TOP1: variants seen among roughly 807,000 people sequenced by gnomAD.
TOP1 encodes DNA topoisomerase I, also known as DNA topoisomerase 1.
Under a neutral mutation model 111.1 loss-of-function variants are expected in TOP1, and 10 were observed. The observed-to-expected ratio is 0.09, with a 90% confidence interval of 0.06 to 0.15. The LOEUF (loss-of-function observed/expected upper bound fraction) is 0.15. Among genes scored for constraint, TOP1 ranks in the 10% least tolerant of loss-of-function variants. The pLI is 1.00. For synonymous variants in TOP1, 271 were observed against 302.9 expected (o/e 0.89, Z 1.10); for missense variants, 474 against 926.7 (o/e 0.51, Z 6.34).
At chr20:41,056,532 G>A (rs1015489139) in intron 2 of TOP1, among the ~76,000 whole-genome samples, 10 of 152,190 alleles carry the variant, frequency 6.6e-5, no homozygotes, top group Non-Finnish European at 1.5e-4. Flanking sequence ...TGTAGCCCAA[G>A]TGGAGTGTGG....
Position 41,110,387 on chromosome 20 carries a change from C to A in TOP1, c.1309-2395C>A, listed in dbSNP as rs184793463. Among the ~76,000 whole-genome samples, 20 of 152,210 alleles carry A rather than the reference C, an allele frequency of 1.3e-4. No homozygotes were observed. The East Asian group carries it at 3.5e-3, about 26-fold the overall frequency. ...AAAATTTATCCATGATGATAGTAAT[C>A]AGATTGAAGGATCAGTGGTTGCTTG... On this transcript the variant is annotated intron_variant, in intron 13 of 20. Coordinates refer to ENST00000361337, the MANE Select transcript of TOP1 (RefSeq NM_003286.4). The surrounding 1 kb of genome is among the most constrained non-coding windows in gnomAD (Gnocchi z 4.2).
intron 5 of TOP1, 29 bp downstream of exon 5, chr20:41,077,666 C>T: frequency 6.2e-7 from 1 of 1,608,570 alleles, no homozygotes; most frequent in Non-Finnish European, 8.5e-7. Flanking sequence ...GTGGGCTTCC[C>T]TTTCTCTGGG....
chr20:41,117,806 G>C (rs1478338590), intron 17 of TOP1, among the ~76,000 whole-genome samples: 2 of 152,114 alleles, frequency 1.3e-5, no homozygotes, highest in African/African-American at 2.4e-5. Context: ...ACAAACCATA[G>C]TAATATCAGC....
In TOP1 at chr20:41,118,315, A is replaced by AGGG; in HGVS notation, c.1950+20_1950+22dup. 6.2e-7 allele frequency: 1 copy of AGGG among 1,613,750 alleles called. No homozygotes were observed. Among genetic ancestry groups the AGGG allele is most frequent in the Non-Finnish European group, 8.5e-7 (1 of 1,179,736 alleles). ...AACTAAGGTATCTTGGATAAAATGA[A>AGGG]GGGAACTGTGTCTGCTGTGGGCAGA... On this transcript the variant is annotated intron_variant, in intron 18 of 20. Transcript: ENST00000361337. The surrounding 1 kb of genome is among the most constrained non-coding windows in gnomAD (Gnocchi z 4.6).
chr20:41,103,786 C>T (rs1159826130), intron 13 of TOP1, among the ~76,000 whole-genome samples: 1 of 152,104 alleles, frequency 6.6e-6, no homozygotes, highest in Non-Finnish European at 1.5e-5. Flanking sequence ...TTTATTTTCT[C>T]TATTAGAAAC....
chr20:41,096,903 C>T (rs1422298451), intron 9 of TOP1, among the ~76,000 whole-genome samples: 1 of 152,148 alleles, frequency 6.6e-6, no homozygotes, highest in Non-Finnish European at 1.5e-5. Context: ...TGTAAAGGAC[C>T]CTGCTTGCTG....
Position 41,098,175 on chromosome 20 carries a change from T to C in TOP1, c.853-40T>C. On this transcript the variant is annotated intron_variant, in intron 10 of 20. Coordinates refer to ENST00000361337, the MANE Select transcript of TOP1 (RefSeq NM_003286.4). This position sits in a 1 kb window ranked among gnomAD's most constrained non-coding sequence, Gnocchi z 5.7. ...AACCCAAGGACTTATTAGTGTATTT[T>C]CGTTGTTTTTCTTTCATCTCCCCAT... The C allele has an allele frequency of 6.8e-6, 11 of 1,608,016 alleles. No homozygotes were observed. Among genetic ancestry groups the C allele is most frequent in the Non-Finnish European group, 9.4e-6 (11 of 1,174,632 alleles).
At chr20:41,103,443 T>C (rs1314047043) in intron 13 of TOP1, among the ~76,000 whole-genome samples, 1 of 152,198 alleles carries the variant, frequency 6.6e-6, no homozygotes, top group Non-Finnish European at 1.5e-5. Context: ...TAAAGGACTT[T>C]GAACAGTGGA....
At chr20:41,119,992 A>C (rs902667830) in intron 18 of TOP1, among the ~76,000 whole-genome samples, 1 of 152,228 alleles carries the variant, frequency 6.6e-6, no homozygotes, top group African/African-American at 2.4e-5. Flanking sequence ...TCGCTCTGGA[A>C]CCGGGTTTGG....
At chr20:41,055,236 GCACTGGTTTGCATCTTT>G (rs1322940358) in intron 2 of TOP1, among the ~76,000 whole-genome samples, 1 of 152,208 alleles carries the variant, frequency 6.6e-6, no homozygotes, top group Admixed American at 6.5e-5. Flanking sequence ...GATTTAATGT[GCACTGGTTTGCATCTTT>G]CATATCTGTC....
intron 3 of TOP1, chr20:41,073,395 A>G: frequency 4.2e-6 from 4 of 959,488 alleles, no homozygotes; most frequent in Non-Finnish European, 4.9e-6. Context: ...AAAAGAAAGA[A>G]AGAAAAGAAA....
rs1381846629 is a variant in TOP1, at chr20:41,124,300, A to C, written c.*1003A>C. 4.3e-6 allele frequency: 1 copy of C among 233,112 alleles called. No individual in the cohort carries two copies. Among genetic ancestry groups the C allele is most frequent in the Admixed American group, 5.6e-5 (1 of 17,778 alleles). 14.4% of individuals were successfully genotyped at this position (233,112 alleles called of 1,614,324 possible). ...AATTGTGTAAAAAATGGAAAAAAAC[A>C]TAAAAAGCAGAATTTTAATGTGAAG... On this transcript the variant is annotated 3_prime_UTR_variant, in exon 21 of 21. Transcript: ENST00000361337. This position sits in a 1 kb window ranked among gnomAD's most constrained non-coding sequence, Gnocchi z 5.4.
In TOP1 at chr20:41,114,373, C is replaced by T. The variant is rs2034295169; in HGVS notation, c.1638+218C>T. Among the ~76,000 whole-genome samples the T allele has an allele frequency of 6.6e-6, 1 of 152,214 alleles. No homozygotes were observed. Among genetic ancestry groups the T allele is most frequent in the Non-Finnish European group, 1.5e-5 (1 of 68,028 alleles). On this transcript the variant is annotated intron_variant, in intron 15 of 20. Transcript: ENST00000361337. The surrounding 1 kb of genome is among the most constrained non-coding windows in gnomAD (Gnocchi z 4.5). ...AGGCTGTAGTGTGCTGTGATCACACCTGTGAATAGCCACTGTACTCCAGCC... is the reference window on the plus strand; with the variant it reads ...AGGCTGTAGTGTGCTGTGATCACACTTGTGAATAGCCACTGTACTCCAGCC...
chr20:41,106,093 A>T lies in TOP1; in HGVS notation c.1308+4740A>T, dbSNP rs1454322578. The stretch of plus-strand genomic sequence containing the variant: ...AGAATGTATTTTTGCATTGGGATGA[A>T]GTTGAAACCTAATATATTTTCCAAA... On this transcript the variant is annotated intron_variant, in intron 13 of 20. Transcript: ENST00000361337. The surrounding 1 kb of genome is among the most constrained non-coding windows in gnomAD (Gnocchi z 4.3). Among the ~76,000 whole-genome samples the T allele has an allele frequency of 1.3e-5, 2 of 151,872 alleles. No individual in the cohort carries two copies. Among genetic ancestry groups the T allele is most frequent in the African/African-American group, 2.4e-5 (1 of 41,300 alleles).
chr20:41,103,397 C>G (rs1346789447), intron 13 of TOP1, among the ~76,000 whole-genome samples: 1 of 152,152 alleles, frequency 6.6e-6, no homozygotes, highest in Admixed American at 6.5e-5. Context: ...CTAAATGTGG[C>G]CAGCTTTAAA....
At chr20:41,041,812 T>C (rs1377944017) in intron 2 of TOP1, among the ~76,000 whole-genome samples, 1 of 152,188 alleles carries the variant, frequency 6.6e-6, no homozygotes, top group Non-Finnish European at 1.5e-5. Context: ...CTTTACTATC[T>C]TATTTGGCTA....
intron 3 of TOP1, among the ~76,000 whole-genome samples, chr20:41,073,858 G>C (rs1363649662): frequency 6.6e-6 from 1 of 152,172 alleles, no homozygotes; most frequent in Non-Finnish European, 1.5e-5. Flanking sequence ...ATAGTTGGCA[G>C]GGCAGGGGGA....
At chr20:41,031,426 T>C (rs959522764) in intron 2 of TOP1, among the ~76,000 whole-genome samples, 1 of 152,228 alleles carries the variant, frequency 6.6e-6, no homozygotes, top group Non-Finnish European at 1.5e-5. Flanking sequence ...ACTTACATGG[T>C]TCTCACCTAA....
chr20:41,122,172 C>T lies in TOP1; in HGVS notation c.2195+17C>T. On this transcript the variant is annotated intron_variant, in intron 20 of 20. Coordinates refer to ENST00000361337, the MANE Select transcript of TOP1 (RefSeq NM_003286.4). The surrounding 1 kb of genome is among the most constrained non-coding windows in gnomAD (Gnocchi z 5.4). The stretch of plus-strand genomic sequence containing the variant: ...AGTGGCTTGGTAAGTGTTGAGCCCT[C>T]CTTGAGCTCCTGCTGCTAGCTTAAG... 1 of 1,612,912 alleles carries T rather than the reference C, an allele frequency of 6.2e-7. No individual in the cohort carries two copies. Among genetic ancestry groups the T allele is most frequent in the Non-Finnish European group, 8.5e-7 (1 of 1,179,334 alleles).
Sources: gnomAD v4.1 joint callset for allele counts (sites outside exome capture counted in the v4.1 genomes callset) on GRCh38, gnomAD v4.1.1 for gene constraint, Gnocchi (gnomAD v3.1) non-coding constraint, MANE v1.5 for transcripts, NCBI Gene and HGNC (gene_info 2026-07-23, HGNC 2026-07-21) for gene names.